DYM: variants seen among roughly 807,000 people sequenced by gnomAD.
The protein encoded by DYM is dymeclin.
DYM carries 78 observed loss-of-function variants against 93.1 expected under a neutral mutation model. That is an observed-to-expected ratio of 0.84 (90% CI 0.70 to 1.01). The LOEUF is 1.01. DYM is among the 50% of genes least tolerant of loss of function. DYM has a pLI of 0.00. For synonymous variants in DYM, 321 were observed against 319.7 expected, an observed-to-expected ratio of 1.00 and a Z score of -0.04; for missense variants, 789 against 845.0, an observed-to-expected ratio of 0.93 and a Z score of 0.82.
chr18:49,403,574 GT>G (rs1204400807), intron 2 of DYM, among the ~76,000 whole-genome samples: 4 of 152,110 alleles, frequency 2.6e-5, no homozygotes, highest in Admixed American at 2.6e-4. Context: ...TTAAGTCTAG[GT>G]TTTTTATTTT....
chr18:49,237,200 C>T lies in DYM; in HGVS notation c.1460+19810G>A, dbSNP rs534101909. Among the ~76,000 whole-genome samples, 4 of 152,198 alleles carry T rather than the reference C, an allele frequency of 2.6e-5. No individual in the cohort carries two copies. The South Asian group carries it at 8.3e-4, about 32-fold the overall frequency. ...AGAAATGGAGGTGGGTCTCCCATTC[C>T]AGTGTTCACACTGTCATACACTGTC... On this transcript the variant is annotated intron_variant, in intron 13 of 17. Coordinates refer to ENST00000675505, the MANE Select transcript of DYM (RefSeq NM_001353214.3).
At position 49,076,997 on chromosome 18, in the gene DYM, G is replaced by A. The variant is rs1409535611; in HGVS notation, c.2025+20405C>T. ...ACATATGGTGCCCTGCACAACACGG[G>A]AGCTTCACAGGAGGACTTTTTTCCC... On this transcript the variant is annotated intron_variant, in intron 17 of 17. Transcript: ENST00000675505. Among the ~76,000 whole-genome samples, 3 of 152,160 alleles carry A rather than the reference G, an allele frequency of 2.0e-5. No homozygotes were observed. The East Asian group carries it at 5.8e-4, about 29-fold the overall frequency.
At chr18:49,378,523 G>T in intron 5 of DYM, 44 bp downstream of exon 5, 2 of 1,546,252 alleles carry the variant, frequency 1.3e-6, no homozygotes, top group Non-Finnish European at 1.8e-6. Flanking sequence ...ATCCTTAAAT[G>T]TTACACATGA....
intron 11 of DYM, among the ~76,000 whole-genome samples, chr18:49,265,778 C>CAAAAAAAA (rs202068472): frequency 1.9e-5 from 1 of 53,136 alleles, no homozygotes; most frequent in Non-Finnish European, 3.8e-5. Flanking sequence ...AACTCCATCT[C>CAAAAAAAA]AAAAAAAAAA....
At chr18:49,347,316 G>T (rs956078668) in intron 6 of DYM, among the ~76,000 whole-genome samples, 1 of 152,128 alleles carries the variant, frequency 6.6e-6, no homozygotes, top group Non-Finnish European at 1.5e-5. Flanking sequence ...ACTTTTATGT[G>T]TTGGATTTTT....
At chr18:49,163,565 T>C (rs1236182399) in intron 15 of DYM, 120 bp downstream of exon 15, 2 of 676,082 alleles carry the variant, frequency 3.0e-6, no homozygotes, top group Non-Finnish European at 5.3e-6. Flanking sequence ...AGGCTGGTCT[T>C]GAACTCCCGA....
Position 49,176,416 on chromosome 18 carries a change from A to AT in DYM, c.1626-12630dup, listed in dbSNP as rs1021693611. On this transcript the variant is annotated intron_variant, in intron 14 of 17. Transcript: ENST00000675505. ...TTTAACATAAGCACATTTTTTTTCA[A>AT]TTTTTTTTTTAAGAAACAGGGTCTC... Among the ~76,000 whole-genome samples the AT allele has an allele frequency of 6.4e-4, 96 of 148,926 alleles. 1 individual carries two copies. Among genetic ancestry groups the AT allele is most frequent in the African/African-American group, 1.4e-3 (58 of 40,618 alleles).
chr18:49,298,411 C>T (rs914294108), intron 8 of DYM, among the ~76,000 whole-genome samples: 1 of 151,976 alleles, frequency 6.6e-6, no homozygotes, highest in African/African-American at 2.4e-5. Context: ...GAAACCCCGT[C>T]TCTACTAAAA....
chr18:49,431,626 A>G (rs998089822), intron 1 of DYM: 1 of 152,224 alleles, frequency 6.6e-6, no homozygotes, highest in African/African-American at 2.4e-5. Flanking sequence ...ACATTATACT[A>G]TTTTAAAATT....
At chr18:49,339,065 C>A (rs549447920) in intron 6 of DYM, among the ~76,000 whole-genome samples, 2 of 151,914 alleles carry the variant, frequency 1.3e-5, no homozygotes, top group South Asian at 4.2e-4. Context: ...AAAAAAAAAT[C>A]AAAAGATATA....
At chr18:49,323,212 A>C (rs149397884) in intron 8 of DYM, among the ~76,000 whole-genome samples, 136 of 152,330 alleles carry the variant, frequency 8.9e-4, no homozygotes, top group African/African-American at 3.1e-3. Flanking sequence ...CATAACAAAA[A>C]AACAAGTTAG....
At chr18:49,260,671 G>T (rs2094475774) in intron 11 of DYM, among the ~76,000 whole-genome samples, 1 of 152,120 alleles carries the variant, frequency 6.6e-6, no homozygotes. Flanking sequence ...ACCACCAACG[G>T]AAAAAGAAGC....
intron 2 of DYM, among the ~76,000 whole-genome samples, chr18:49,419,917 C>G (rs566903744): frequency 6.6e-6 from 1 of 152,154 alleles, no homozygotes; most frequent in Non-Finnish European, 1.5e-5. Flanking sequence ...CTCTCCATTT[C>G]GCCCTCTTTT....
intron 15 of DYM, among the ~76,000 whole-genome samples, chr18:49,121,667 A>T (rs1323787374): frequency 6.6e-6 from 1 of 152,164 alleles, no homozygotes; most frequent in Non-Finnish European, 1.5e-5. Context: ...AGGACAGCTA[A>T]AACCAAAACA....
chr18:49,456,561 T>C (rs1461310874), intron 1 of DYM, among the ~76,000 whole-genome samples: 1 of 152,204 alleles, frequency 6.6e-6, no homozygotes, highest in African/African-American at 2.4e-5. Flanking sequence ...TATTCCAATG[T>C]CCTTATTGGA....
intron 11 of DYM, among the ~76,000 whole-genome samples, 187 bp from the exon 12 acceptor site, chr18:49,258,680 G>C (rs1008662388): frequency 3.9e-5 from 6 of 151,944 alleles, no homozygotes; most frequent in Non-Finnish European, 4.4e-5. Context: ...CATGGCTGTG[G>C]AGAGTAGGCA....
chr18:49,216,779 G>C (rs1467640514), intron 13 of DYM, among the ~76,000 whole-genome samples: 1 of 152,052 alleles, frequency 6.6e-6, no homozygotes, highest in Non-Finnish European at 1.5e-5. Flanking sequence ...AAGACCAAAA[G>C]TAGATAAAAC....
rs150030270 is a variant in DYM, at chr18:49,163,614, G to C, written c.1728+71C>G. The stretch of plus-strand genomic sequence containing the variant: ...CTGCCTCGGCCTCCCAAAGTGCTGG[G>C]ATTACAGGCAGGAGTTACTGTGCCT... On this transcript the variant is annotated intron_variant, in intron 15 of 17. Coordinates refer to ENST00000675505, the MANE Select transcript of DYM (RefSeq NM_001353214.3). The C allele has an allele frequency of 5.9e-5, 58 of 988,854 alleles. No individual in the cohort carries two copies. In the African/African-American group the frequency reaches 8.7e-4, roughly 15 times the overall value. The allele number at this position is 988,854 out of a possible 1,614,324, so 61.3% of individuals were successfully genotyped here.
chr18:49,444,024 G>T (rs553641975), intron 1 of DYM, among the ~76,000 whole-genome samples: 2 of 152,196 alleles, frequency 1.3e-5, no homozygotes, highest in African/African-American at 4.8e-5. Context: ...AATCTGCTAA[G>T]ATGTGTAACA....
Sources: allele counts gnomAD v4.1 joint callset (sites outside exome capture counted in the v4.1 genomes callset), GRCh38; gene constraint gnomAD v4.1.1; transcripts MANE v1.5; gene names NCBI Gene and HGNC (gene_info 2026-07-23, HGNC 2026-07-21).